PTDSS1: variants seen among roughly 807,000 people sequenced by gnomAD.
PTDSS1 encodes PSS-1.
PTDSS1 carries 45 observed loss-of-function variants against 70.5 expected under a neutral mutation model. The ratio of observed to expected loss-of-function variants is 0.64; its 90% CI spans 0.50 to 0.82. PTDSS1 has a LOEUF of 0.82. Among genes scored for constraint, PTDSS1 ranks in the 40% least tolerant of loss-of-function variants. The pLI is 0.00. For synonymous variants in PTDSS1, 188 were observed against 203.8 expected (o/e 0.92, Z 0.66); for missense variants, 417 against 586.1 (o/e 0.71, Z 2.98).
At chr8:96,313,095 C>T (rs141952744) in intron 9 of PTDSS1, among the ~76,000 whole-genome samples, 1,630 of 152,260 alleles carry the variant, frequency 0.011, 22 homozygotes, top group African/African-American at 0.036. Flanking sequence ...TAGGATCACC[C>T]GCCTGGGGTT....
chr8:96,302,284 G>A (rs776385535), intron 6 of PTDSS1, among the ~76,000 whole-genome samples: 6 of 151,664 alleles, frequency 4.0e-5, no homozygotes, highest in Admixed American at 6.6e-5. Flanking sequence ...TGCCTTACTC[G>A]GCCTCCCAAA....
At chr8:96,322,154 C>T (rs1811380990) in intron 10 of PTDSS1, among the ~76,000 whole-genome samples, 1 of 152,098 alleles carries the variant, frequency 6.6e-6, no homozygotes, top group African/African-American at 2.4e-5. Flanking sequence ...CACAGGCCTC[C>T]CAGCTGCCTC....
chr8:96,268,275 T>C (rs1810515501), intron 1 of PTDSS1, among the ~76,000 whole-genome samples: 1 of 152,224 alleles, frequency 6.6e-6, no homozygotes. Flanking sequence ...CTACTTAACA[T>C]TGGTCTACCA....
At chr8:96,263,460 C>A (rs913120579) in intron 1 of PTDSS1, among the ~76,000 whole-genome samples, 10 of 152,188 alleles carry the variant, frequency 6.6e-5, no homozygotes, top group Non-Finnish European at 1.5e-4. Flanking sequence ...CATAACCTTG[C>A]TCTGAGCCTC....
intron 1 of PTDSS1, among the ~76,000 whole-genome samples, chr8:96,268,173 T>C (rs1436187303): frequency 6.6e-6 from 1 of 152,224 alleles, no homozygotes; most frequent in Non-Finnish European, 1.5e-5. Context: ...TCACCATTCT[T>C]TTCCTTTAGT....
At chr8:96,300,303 C>T (rs1811032883) in intron 6 of PTDSS1, among the ~76,000 whole-genome samples, 2 of 152,092 alleles carry the variant, frequency 1.3e-5, no homozygotes, top group South Asian at 4.1e-4. Context: ...TCAATACATC[C>T]ATTACCCCAG....
intron 2 of PTDSS1, among the ~76,000 whole-genome samples, chr8:96,277,514 C>T (rs916115495): frequency 6.6e-6 from 1 of 152,238 alleles, no homozygotes; most frequent in African/African-American, 2.4e-5. Context: ...GGCACATATT[C>T]TCAAGTCAAG....
In PTDSS1 at chr8:96,291,575, A is replaced by G. The variant is rs577410456; in HGVS notation, c.442-3523A>G. 3.3e-5 allele frequency among the ~76,000 whole-genome samples: 5 copies of G among 152,214 alleles called. No individual in the cohort carries two copies. In the South Asian group the frequency reaches 1.0e-3, roughly 32 times the overall value. On this transcript the variant is annotated intron_variant, in intron 4 of 12. Coordinates refer to ENST00000517309, the MANE Select transcript of PTDSS1 (RefSeq NM_014754.3). ...ATTTATTCAAAATAGGATCCAGACAAGGTTTACACATTGCATATGATATGT... is the reference window on the plus strand; with the variant it reads ...ATTTATTCAAAATAGGATCCAGACAGGGTTTACACATTGCATATGATATGT...
chr8:96,316,187 C>T (rs1193417124), intron 9 of PTDSS1, among the ~76,000 whole-genome samples: 3 of 152,086 alleles, frequency 2.0e-5, no homozygotes, highest in African/African-American at 7.2e-5. Flanking sequence ...GACCCGGGTC[C>T]CCATGTCTGG....
chr8:96,314,175 G>T (rs1563579633), intron 9 of PTDSS1, among the ~76,000 whole-genome samples: 1 of 152,086 alleles, frequency 6.6e-6, no homozygotes, highest in Non-Finnish European at 1.5e-5. Flanking sequence ...CTCCTAAGTA[G>T]CTGGGACTAT....
intron 2 of PTDSS1, among the ~76,000 whole-genome samples, chr8:96,282,949 G>A (rs1810761732): frequency 6.6e-6 from 1 of 152,190 alleles, no homozygotes; most frequent in South Asian, 2.1e-4. Context: ...CATATTCTGA[G>A]CTTCCAGAAA....
At chr8:96,323,479 C>T (rs1811399773) in intron 10 of PTDSS1, among the ~76,000 whole-genome samples, 1 of 152,210 alleles carries the variant, frequency 6.6e-6, no homozygotes, top group African/African-American at 2.4e-5. Flanking sequence ...ACATGGACAC[C>T]ACCATGGGTT....
chr8:96,321,675 T>C (rs1445093597), intron 10 of PTDSS1, among the ~76,000 whole-genome samples: 1 of 152,194 alleles, frequency 6.6e-6, no homozygotes, highest in Non-Finnish European at 1.5e-5. Flanking sequence ...CTAGTTTTTT[T>C]CTTTTCTTTT....
In PTDSS1 at chr8:96,320,219, C is replaced by T. The variant is rs772488911; in HGVS notation, c.1074-27C>T. The T allele has an allele frequency of 9.1e-6, 14 of 1,537,010 alleles. No homozygotes were observed. In the Admixed American group the frequency reaches 2.2e-4, roughly 24 times the overall value. On this transcript the variant is annotated intron_variant, in intron 9 of 12. Coordinates refer to ENST00000517309, the MANE Select transcript of PTDSS1 (RefSeq NM_014754.3). ...TATGCTCTGGTAAGATGGATTAATA[C>T]TTAACCTCTGTTCTCTGTCTAATTA... is the stretch of plus-strand genomic sequence containing the variant.
At chr8:96,294,960 T>TAAGTTTTAATA (rs1810954431) in intron 4 of PTDSS1, 138 bp from the exon 5 acceptor site, 2 of 792,240 alleles carry the variant, frequency 2.5e-6, no homozygotes, top group African/African-American at 3.6e-5. Flanking sequence ...CTTAAGTTAT[T>TAAGTTTTAATA]AAAACTTTCT....
intron 10 of PTDSS1, among the ~76,000 whole-genome samples, chr8:96,325,815 A>C (rs1811430736): frequency 6.6e-6 from 1 of 152,180 alleles, no homozygotes; most frequent in Admixed American, 6.5e-5. Context: ...AGAGATAAGC[A>C]AGATAGAGGA....
chr8:96,297,365 A>G (rs1278893862), intron 5 of PTDSS1, among the ~76,000 whole-genome samples: 1 of 151,878 alleles, frequency 6.6e-6, no homozygotes, highest in Non-Finnish European at 1.5e-5. Flanking sequence ...TTTAGTAGAG[A>G]TGGGGTTTCG....
chr8:96,332,868 C>T (rs896629480), intron 12 of PTDSS1, among the ~76,000 whole-genome samples: 2 of 152,180 alleles, frequency 1.3e-5, no homozygotes, highest in African/African-American at 4.8e-5. Context: ...TTGGCTTGGC[C>T]GCTAGGCCAG....
chr8:96,325,435 T>C (rs1811425438), intron 10 of PTDSS1, among the ~76,000 whole-genome samples: 1 of 152,216 alleles, frequency 6.6e-6, no homozygotes, highest in African/African-American at 2.4e-5. Context: ...CTTAGTGATA[T>C]GTGAGCAGGA....
Sources: allele counts gnomAD v4.1 joint callset (sites outside exome capture counted in the v4.1 genomes callset), GRCh38; gene constraint gnomAD v4.1.1; transcripts MANE v1.5; gene names NCBI Gene and HGNC (gene_info 2026-07-23, HGNC 2026-07-21).